CD59: variants seen among roughly 807,000 people sequenced by gnomAD.
CD59 encodes the protein CD59 molecule (CD59 blood group).
Under a neutral mutation model 7.0 loss-of-function variants are expected in CD59, and 3 were observed. The observed-to-expected ratio is 0.43, with a 90% CI of 0.19 to 1.10. The LOEUF is 1.10. Ranked by LOEUF, CD59 falls within the 50% of genes least tolerant of loss-of-function variation. The pLI is 0.29. For missense variants in CD59, 143 were observed against 151.0 expected, an observed-to-expected ratio of 0.95 and a Z score of 0.28; for synonymous variants, 60 against 62.0, an observed-to-expected ratio of 0.97 and a Z score of 0.15.
chr11:33,732,953 G>C (rs769832910), intron 1 of CD59, among the ~76,000 whole-genome samples: 1 of 152,178 alleles, frequency 6.6e-6, no homozygotes, highest in Admixed American at 6.5e-5. Flanking sequence ...GAAGGTAGCA[G>C]AGTCTGTCAA....
chr11:33,727,569 CTG>C (rs1170608642), intron 1 of CD59, among the ~76,000 whole-genome samples: 3 of 152,172 alleles, frequency 2.0e-5, no homozygotes, highest in Non-Finnish European at 4.4e-5. Context: ...CAATATCATA[CTG>C]AATGGGCAAA....
At chr11:33,712,738 G>C (rs1443766276) in intron 3 of CD59, among the ~76,000 whole-genome samples, 1 of 152,180 alleles carries the variant, frequency 6.6e-6, no homozygotes, top group East Asian at 1.9e-4. Flanking sequence ...TATACTAAGA[G>C]CCACTGAATT....
chr11:33,732,568 G>A (rs902450241), intron 1 of CD59, among the ~76,000 whole-genome samples: 1 of 152,154 alleles, frequency 6.6e-6, no homozygotes, highest in Non-Finnish European at 1.5e-5. Context: ...AGCAGTGTGA[G>A]AATGGACTAA....
intron 2 of CD59, chr11:33,717,872 G>A: frequency 3.9e-6 from 1 of 259,054 alleles, no homozygotes; most frequent in Admixed American, 5.0e-5. Context: ...ATCAATGTCT[G>A]GCAATACCTA....
chr11:33,726,963 G>C (rs908289191), intron 1 of CD59, among the ~76,000 whole-genome samples: 3 of 152,150 alleles, frequency 2.0e-5, no homozygotes, highest in Non-Finnish European at 4.4e-5. Flanking sequence ...ACCCTCCCAA[G>C]ACTAAACCAG....
In CD59 at chr11:33,715,037, G is replaced by A. The variant is rs144969180; in HGVS notation, c.169+2333C>T. On this transcript the variant is annotated intron_variant, in intron 3 of 3. Coordinates refer to ENST00000642928, the MANE Select transcript of CD59 (RefSeq NM_000611.6). ...TGGCTCACTGCAACCTCTGCCTCCTGGGTTCAAGCAATTCTTCTGCCTCAG... is the reference window on the plus strand; with the variant it reads ...TGGCTCACTGCAACCTCTGCCTCCTAGGTTCAAGCAATTCTTCTGCCTCAG... Among the ~76,000 whole-genome samples the A allele has an allele frequency of 5.6e-3, 852 of 151,018 alleles. 9 individuals carry two copies. Among genetic ancestry groups the A allele is most frequent in the African/African-American group, 0.02 (803 of 41,092 alleles).
chr11:33,732,978 C>A (rs1854461926), intron 1 of CD59, among the ~76,000 whole-genome samples: 2 of 152,122 alleles, frequency 1.3e-5, no homozygotes, highest in African/African-American at 4.8e-5. Flanking sequence ...TCATGACCGA[C>A]AACAGAAAAA....
intron 1 of CD59, among the ~76,000 whole-genome samples, chr11:33,729,123 C>G (rs1219899527): frequency 6.6e-6 from 1 of 152,118 alleles, no homozygotes; most frequent in Non-Finnish European, 1.5e-5. Flanking sequence ...CCTCAAGGAT[C>G]TAGAACATCT....
At chr11:33,722,852 G>C (rs1854134026) in intron 1 of CD59, 3 of 930,670 alleles carry the variant, frequency 3.2e-6, no homozygotes, top group Non-Finnish European at 4.2e-6. Context: ...TCAGACCAAA[G>C]GGGTGACTCT....
At chr11:33,726,553 T>TA (rs1294181410) in intron 1 of CD59, among the ~76,000 whole-genome samples, 2 of 152,152 alleles carry the variant, frequency 1.3e-5, no homozygotes, top group African/African-American at 4.8e-5. Context: ...TTTATAGCAC[T>TA]AAATGCCCAC....
At chr11:33,725,702 T>A (rs1380755097) in intron 1 of CD59, among the ~76,000 whole-genome samples, 5 of 152,100 alleles carry the variant, frequency 3.3e-5, no homozygotes, top group Non-Finnish European at 5.9e-5. Flanking sequence ...ATACAAACAT[T>A]CTTTAAAATA....
rs368832914 is a variant in CD59, at chr11:33,713,432, A to G, written c.170-3089T>C. The stretch of plus-strand genomic sequence containing the variant: ...CACTTCTCAGTTTATAACTGCAGGC[A>G]TAACTGTCCTGTCCTCCTCCTCTGA... On this transcript the variant is annotated intron_variant, in intron 3 of 3. Coordinates refer to ENST00000642928, the MANE Select transcript of CD59 (RefSeq NM_000611.6). 2.4e-4 allele frequency among the ~76,000 whole-genome samples: 36 copies of G among 152,210 alleles called. No individual in the cohort carries two copies. The South Asian group carries it at 6.0e-3, about 25-fold the overall frequency.
At chr11:33,722,982 A>C in intron 1 of CD59, 1 of 1,031,948 alleles carries the variant, frequency 9.7e-7, no homozygotes, top group East Asian at 8.0e-5. Flanking sequence ...CTTTGGGGAC[A>C]TGAAGAGAGG....
chr11:33,725,112 T>A (rs1037703904), intron 1 of CD59, among the ~76,000 whole-genome samples: 3 of 152,060 alleles, frequency 2.0e-5, no homozygotes, highest in East Asian at 1.9e-4. Flanking sequence ...TTCTTCCTGA[T>A]CCTTTACTTT....
chr11:33,722,530 A>G lies in CD59; in HGVS notation c.-18-67T>C, dbSNP rs368105535. On this transcript the variant is annotated intron_variant, in intron 1 of 3. Coordinates refer to ENST00000642928, the MANE Select transcript of CD59 (RefSeq NM_000611.6). Reference sequence around the variant, plus strand: ...TGACTGCTGGTTGTCTCAAAAACCAAGGGCTGGAAGGCCAAGAAGGCTTCT... The same window carrying G: ...TGACTGCTGGTTGTCTCAAAAACCAGGGGCTGGAAGGCCAAGAAGGCTTCT... The G allele has an allele frequency of 2.3e-4, 370 of 1,592,022 alleles. 3 individuals are homozygous for G. The African/African-American group carries it at 4.7e-3, about 20-fold the overall frequency.
intron 1 of CD59, among the ~76,000 whole-genome samples, chr11:33,730,588 T>C (rs1406760226): frequency 2.0e-5 from 3 of 152,192 alleles, no homozygotes; most frequent in Non-Finnish European, 1.5e-5. Flanking sequence ...TGCAGTGAGC[T>C]CAAGTGTTGC....
intron 3 of CD59, among the ~76,000 whole-genome samples, chr11:33,711,059 G>C (rs944789916): frequency 2.2e-4 from 33 of 150,956 alleles, no homozygotes; most frequent in Admixed American, 7.9e-4. Flanking sequence ...AGGTGGGGGG[G>C]GGGCAGAAAA....
At position 33,722,684 on chromosome 11, in the gene CD59, G is replaced by A. The variant is rs183961281; in HGVS notation, c.-18-221C>T. ...AAGCCCCAGTGTGTACTACCACACT[G>A]TGGGAATAACACTATCTTCCCCATC... On this transcript the variant is annotated intron_variant, in intron 1 of 3. Coordinates refer to ENST00000642928, the MANE Select transcript of CD59 (RefSeq NM_000611.6). The A allele has an allele frequency of 2.7e-5, 37 of 1,351,198 alleles. No homozygotes were observed. The Admixed American group carries it at 4.7e-4, about 17-fold the overall frequency. 83.7% of individuals were successfully genotyped at this position (1,351,198 alleles called of 1,614,324 possible).
At chr11:33,725,278 T>C (rs1437764534) in intron 1 of CD59, among the ~76,000 whole-genome samples, 1 of 146,828 alleles carries the variant, frequency 6.8e-6, no homozygotes, top group Non-Finnish European at 1.5e-5. Context: ...ACACCCTCCA[T>C]TTTAAGGAAA....
Sources: allele counts gnomAD v4.1 joint callset (sites outside exome capture counted in the v4.1 genomes callset), GRCh38; gene constraint gnomAD v4.1.1; transcripts MANE v1.5; gene names NCBI Gene and HGNC (gene_info 2026-07-23, HGNC 2026-07-21).